The following SHB variants were observed in gnomAD, a reference collection of about 807,000 sequenced individuals.
SHB encodes SH2 domain containing adaptor protein B.
In SHB, 20 loss-of-function variants were observed where a neutral mutation model predicts 52.3. The observed-to-expected ratio is 0.38, with a 90% CI of 0.27 to 0.56. The LOEUF (loss-of-function observed/expected upper bound fraction) is 0.56, where lower values mean the gene tolerates loss of function less well. Among genes scored for constraint, SHB ranks in the 20% least tolerant of loss-of-function variants. The pLI is 0.71. For missense variants in SHB, 825 were observed against 723.3 expected (o/e 1.14, Z -1.61); for synonymous variants, 397 against 316.5 (o/e 1.25, Z -2.70).
chr9:37,961,099 G>A (rs1205622039), intron 3 of SHB, among the ~76,000 whole-genome samples: 1 of 152,060 alleles, frequency 6.6e-6, no homozygotes, highest in Non-Finnish European at 1.5e-5. Flanking sequence ...TGGCACAAAC[G>A]CCACCTCCTC....
chr9:38,028,809 T>C (rs1821377453), intron 1 of SHB, among the ~76,000 whole-genome samples: 1 of 152,190 alleles, frequency 6.6e-6, no homozygotes, highest in South Asian at 2.1e-4. Context: ...ATCAAAGAAA[T>C]GTGTTTATAT....
At chr9:37,995,952 G>C (rs572571396) in intron 2 of SHB, among the ~76,000 whole-genome samples, 172 of 152,272 alleles carry the variant, frequency 1.1e-3, no homozygotes, top group Admixed American at 2.2e-3. Context: ...CTATACAATA[G>C]GTCAAATCAT....
chr9:37,953,328 G>A (rs1348274197), intron 4 of SHB, among the ~76,000 whole-genome samples: 1 of 152,156 alleles, frequency 6.6e-6, no homozygotes, highest in African/African-American at 2.4e-5. Flanking sequence ...CACTGTTCTA[G>A]GCACAGGGGA....
intron 1 of SHB, among the ~76,000 whole-genome samples, chr9:38,062,894 C>G (rs1264550912): frequency 1.3e-5 from 2 of 152,212 alleles, no homozygotes; most frequent in African/African-American, 2.4e-5. Flanking sequence ...AGTGGCAGAG[C>G]TGAAGAGCTA....
At chr9:38,001,953 C>T (rs1446480238) in intron 2 of SHB, among the ~76,000 whole-genome samples, 2 of 151,226 alleles carry the variant, frequency 1.3e-5, no homozygotes, top group Admixed American at 6.6e-5. Context: ...TTTCATCCAC[C>T]CTGATCCCAC....
chr9:38,030,709 T>G (rs1821402635), intron 1 of SHB, among the ~76,000 whole-genome samples: 1 of 152,170 alleles, frequency 6.6e-6, no homozygotes, highest in Admixed American at 6.5e-5. Context: ...CACATTCTTA[T>G]TTTTTGTGGG....
At chr9:37,965,475 C>T (rs1832738790) in intron 3 of SHB, among the ~76,000 whole-genome samples, 1 of 152,208 alleles carries the variant, frequency 6.6e-6, no homozygotes, top group Non-Finnish European at 1.5e-5. Context: ...GACATGAAAA[C>T]ACACCGACTG....
chr9:37,954,252 G>C (rs1832602889), intron 4 of SHB, among the ~76,000 whole-genome samples: 1 of 152,254 alleles, frequency 6.6e-6, no homozygotes, highest in Non-Finnish European at 1.5e-5. Context: ...TAAAAGGGCA[G>C]CATATGATGT....
intron 2 of SHB, among the ~76,000 whole-genome samples, chr9:37,986,935 C>T (rs1250148724): frequency 6.6e-6 from 1 of 152,244 alleles, no homozygotes; most frequent in African/African-American, 2.4e-5. Context: ...CGCGATCTTC[C>T]AGTCTGCTGG....
chr9:38,058,287 G>A (rs933457284), intron 1 of SHB, among the ~76,000 whole-genome samples: 1 of 152,182 alleles, frequency 6.6e-6, no homozygotes, highest in African/African-American at 2.4e-5. Context: ...TCTTCCCTGG[G>A]ATCTCAGGCA....
chr9:38,019,769 T>C (rs952357644), intron 1 of SHB, among the ~76,000 whole-genome samples: 4 of 96,196 alleles, frequency 4.2e-5, no homozygotes, highest in African/African-American at 1.6e-4. Context: ...TAAGGGTCCA[T>C]GGGAAGGATG....
intron 1 of SHB, among the ~76,000 whole-genome samples, chr9:38,033,113 C>T (rs1256024533): frequency 6.6e-6 from 1 of 152,136 alleles, no homozygotes. Flanking sequence ...AATTAGAAAA[C>T]CAAGCATCCA....
intron 2 of SHB, among the ~76,000 whole-genome samples, chr9:37,985,558 T>G (rs1331720154): frequency 6.6e-6 from 1 of 152,224 alleles, no homozygotes; most frequent in Non-Finnish European, 1.5e-5. Flanking sequence ...GAGGCGAGCT[T>G]GCTGCTCTGG....
chr9:37,997,185 G>A (rs565051951), intron 2 of SHB, among the ~76,000 whole-genome samples: 96 of 152,336 alleles, frequency 6.3e-4, no homozygotes, highest in African/African-American at 2.3e-3. Flanking sequence ...GTAAGTTCTT[G>A]AAGCTGCAGC....
intron 2 of SHB, chr9:38,015,537 C>T (rs1821198967): frequency 2.0e-5 from 14 of 695,172 alleles, no homozygotes; most frequent in South Asian, 7.5e-5. Flanking sequence ...AAAGATTTCT[C>T]GGGATGCGGC....
chr9:38,015,155 G>C (rs1821194479), intron 2 of SHB, among the ~76,000 whole-genome samples: 1 of 152,216 alleles, frequency 6.6e-6, no homozygotes, highest in Non-Finnish European at 1.5e-5. Context: ...CCATGGCACT[G>C]CCTGTGTGGG....
chr9:37,943,212 G>C (rs1832454529), intron 5 of SHB, among the ~76,000 whole-genome samples: 1 of 152,150 alleles, frequency 6.6e-6, no homozygotes, highest in Non-Finnish European at 1.5e-5. Flanking sequence ...ATGGGTTTAA[G>C]ACCTGCTCAT....
chr9:37,947,870 C>T lies in SHB; in HGVS notation c.1346+765G>A, dbSNP rs535237632. Among the ~76,000 whole-genome samples the T allele has an allele frequency of 3.3e-5, 5 of 152,340 alleles. No homozygotes were observed. In the South Asian group the frequency reaches 1.0e-3, roughly 32 times the overall value. ...GGCTGAAGAGCCTGGGTTTACACCC[C>T]AGTTATGTCACCAGCTCTCTATATG... On this transcript the variant is annotated intron_variant, in intron 5 of 5. Transcript: ENST00000377707.
chr9:37,927,558 T>C (rs1419461942), intron 5 of SHB, among the ~76,000 whole-genome samples: 1 of 152,212 alleles, frequency 6.6e-6, no homozygotes, highest in African/African-American at 2.4e-5. Flanking sequence ...ATGCCTCTCC[T>C]GGCGAACATG....
Sources: allele counts gnomAD v4.1 joint callset (sites outside exome capture counted in the v4.1 genomes callset), GRCh38; gene constraint gnomAD v4.1.1; transcripts MANE v1.5; gene names NCBI Gene and HGNC (gene_info 2026-07-23, HGNC 2026-07-21).